PBX4: variants seen among roughly 807,000 people sequenced by gnomAD.
PBX4 encodes pre-B-cell leukemia transcription factor 4.
Under a neutral mutation model 35.1 loss-of-function variants are expected in PBX4, and 26 were observed. The ratio of observed to expected loss-of-function variants is 0.74; its 90% CI spans 0.54 to 1.03. The LOEUF is 1.03. Ranked by LOEUF, PBX4 falls within the 50% of genes least tolerant of loss-of-function variation. The pLI is 0.00. For missense variants in PBX4, 448 were observed against 504.3 expected, an observed-to-expected ratio of 0.89 and a Z score of 1.07; for synonymous variants, 199 against 204.2, an observed-to-expected ratio of 0.97 and a Z score of 0.22.
intron 2 of PBX4, among the ~76,000 whole-genome samples, chr19:19,572,849 C>T (rs1216282831): frequency 1.6e-5 from 2 of 125,628 alleles, no homozygotes; most frequent in African/African-American, 5.8e-5. Context: ...GGCGAGACTC[C>T]GTCTCAAAAA....
intron 1 of PBX4, among the ~76,000 whole-genome samples, chr19:19,602,071 G>T (rs1315480328): frequency 6.6e-6 from 1 of 151,524 alleles, no homozygotes; most frequent in Non-Finnish European, 1.5e-5. Flanking sequence ...GCCAAGAGAA[G>T]AATTTCATGG....
At chr19:19,580,576 G>A (rs1424523897) in intron 2 of PBX4, among the ~76,000 whole-genome samples, 1 of 152,204 alleles carries the variant, frequency 6.6e-6, no homozygotes, top group East Asian at 1.9e-4. Flanking sequence ...TGTAGTCAAA[G>A]AGCCAAAGGT....
intron 1 of PBX4, among the ~76,000 whole-genome samples, chr19:19,600,110 C>G (rs1419611565): frequency 1.3e-5 from 2 of 151,740 alleles, no homozygotes; most frequent in African/African-American, 4.9e-5. Flanking sequence ...CCACTGTACT[C>G]CAGCCCAGGC....
chr19:19,606,515 T>C (rs1212244946), intron 1 of PBX4: 1 of 152,206 alleles, frequency 6.6e-6, no homozygotes, highest in African/African-American at 2.4e-5. Flanking sequence ...GTGCCCAGAA[T>C]CCTGACCCAA....
chr19:19,610,749 T>C (rs1409748537), intron 1 of PBX4, among the ~76,000 whole-genome samples: 1 of 152,100 alleles, frequency 6.6e-6, no homozygotes, highest in Non-Finnish European at 1.5e-5. Flanking sequence ...AGCAAGACTC[T>C]GTGTCAAACA....
chr19:19,583,897 C>T (rs2061472210), intron 2 of PBX4, among the ~76,000 whole-genome samples: 3 of 152,086 alleles, frequency 2.0e-5, no homozygotes, highest in Admixed American at 2.0e-4. Flanking sequence ...TGGAGAAATC[C>T]CATCTCTACT....
intron 2 of PBX4, among the ~76,000 whole-genome samples, chr19:19,591,853 T>G (rs541654510): frequency 9.3e-4 from 141 of 152,280 alleles, no homozygotes; most frequent in African/African-American, 3.3e-3. Flanking sequence ...GTGACAAACC[T>G]TATTTTTTAT....
At chr19:19,593,943 T>A (rs974382842) in intron 2 of PBX4, among the ~76,000 whole-genome samples, 1 of 150,774 alleles carries the variant, frequency 6.6e-6, no homozygotes, top group Non-Finnish European at 1.5e-5. Flanking sequence ...CTGGGCAACA[T>A]ACTAAGACCT....
chr19:19,613,249 T>A (rs925136518), intron 1 of PBX4, among the ~76,000 whole-genome samples: 1 of 151,418 alleles, frequency 6.6e-6, no homozygotes, highest in Non-Finnish European at 1.5e-5. Flanking sequence ...GAGGATCACC[T>A]GAGGTCAGGA....
intron 2 of PBX4, among the ~76,000 whole-genome samples, chr19:19,597,572 C>A (rs1402918213): frequency 6.6e-6 from 1 of 152,158 alleles, no homozygotes; most frequent in Admixed American, 6.6e-5. Context: ...AATCTTGCAC[C>A]AAAACAGTGT....
At chr19:19,564,553 A>C (rs953607184) in intron 6 of PBX4, among the ~76,000 whole-genome samples, 1 of 151,912 alleles carries the variant, frequency 6.6e-6, no homozygotes, top group African/African-American at 2.4e-5. Context: ...CACCCAGCCC[A>C]TGCCGGGCTA....
intron 2 of PBX4, among the ~76,000 whole-genome samples, chr19:19,573,330 TACACACACACACACACACAC>T (rs397838081): frequency 1.5e-5 from 2 of 133,378 alleles, no homozygotes; most frequent in Admixed American, 7.8e-5. Flanking sequence ...AAAAAAAATA[TACACACACACACACACACAC>T]ACACACACAC....
intron 2 of PBX4, among the ~76,000 whole-genome samples, chr19:19,572,408 C>T (rs1013838408): frequency 3.3e-5 from 5 of 151,946 alleles, no homozygotes; most frequent in African/African-American, 1.2e-4. Context: ...AGCTACTTAC[C>T]GAATTAGTGC....
At position 19,562,520 on chromosome 19, in the gene PBX4, A is replaced by C. The variant is rs1458649135; in HGVS notation, c.1033-403T>G. Reference sequence around the variant, plus strand: ...AAGGGGCTCTGAAACCTGGCCCAACACTGGCCTGGCTGGGCAGCAAGGAGG... The same window carrying C: ...AAGGGGCTCTGAAACCTGGCCCAACCCTGGCCTGGCTGGGCAGCAAGGAGG... On this transcript the variant is annotated intron_variant, in intron 7 of 7. Coordinates refer to ENST00000251203, the MANE Select transcript of PBX4 (RefSeq NM_025245.3). The surrounding 1 kb of genome is among the most constrained non-coding windows in gnomAD (Gnocchi z 4.8). Among the ~76,000 whole-genome samples, 2 of 152,138 alleles carry C rather than the reference A, an allele frequency of 1.3e-5. No individual in the cohort carries two copies. The highest frequency in any genetic ancestry group is 4.8e-5 in the African/African-American group (2 of 41,442).
chr19:19,562,776 C>T lies in PBX4; in HGVS notation c.1033-659G>A, dbSNP rs974747501. Among the ~76,000 whole-genome samples, 15 of 152,308 alleles carry T rather than the reference C, an allele frequency of 9.8e-5. No individual in the cohort carries two copies. The highest frequency in any genetic ancestry group is 9.8e-4 in the Admixed American group (15 of 15,304). On this transcript the variant is annotated intron_variant, in intron 7 of 7. Coordinates refer to ENST00000251203, the MANE Select transcript of PBX4 (RefSeq NM_025245.3). This position sits in a 1 kb window ranked among gnomAD's most constrained non-coding sequence, Gnocchi z 4.8. ...CTGAACTGGGGTGGACACACAGCTG[C>T]TGGCGCGTAGTCAGGTCCCAGGGGT...
intron 2 of PBX4, among the ~76,000 whole-genome samples, chr19:19,579,326 G>C (rs2061439204): frequency 6.6e-6 from 1 of 151,396 alleles, no homozygotes; most frequent in Non-Finnish European, 1.5e-5. Flanking sequence ...CCTGGCAACA[G>C]AGTGAGACTC....
chr19:19,586,675 A>G (rs1281822596), intron 2 of PBX4, among the ~76,000 whole-genome samples: 2 of 151,866 alleles, frequency 1.3e-5, no homozygotes, highest in Non-Finnish European at 2.9e-5. Flanking sequence ...GCCGGGCATG[A>G]TGGCTCCTGC....
At chr19:19,615,873 G>A (rs1405996115) in intron 1 of PBX4, among the ~76,000 whole-genome samples, 1 of 152,168 alleles carries the variant, frequency 6.6e-6, no homozygotes, top group East Asian at 1.9e-4. Flanking sequence ...CTGGGCAACA[G>A]AGTGAGAGTC....
In PBX4 at chr19:19,618,610, G is replaced by A. The variant is rs1318425041; in HGVS notation, c.20C>T (p.Pro7Leu). The A allele has an allele frequency of 1.4e-5, 17 of 1,257,816 alleles. No homozygotes were observed. The highest frequency in any genetic ancestry group is 4.3e-5 in the Admixed American group (1 of 23,456). The allele number at this position is 1,257,816 out of a possible 1,614,324, so 77.9% of individuals were successfully genotyped here. A position where few individuals can be genotyped will look rare whatever the true frequency, so the allele number is the denominator to read the frequency against. Residue 7 changes from proline (P) to leucine (L), a missense_variant, in exon 1 of 8, where the codon CCC becomes CTC. Physicochemically the swap from Pro to Leu is moderately conservative, Grantham distance 98 (BLOSUM62 -3). Coordinates refer to ENST00000251203, the MANE Select transcript of PBX4 (RefSeq NM_025245.3). MAAPPRPAPSPPAPRRL... is the reference protein window; with the variant it reads MAAPPRLAPSPPAPRRL... ...CCGCGGGGCGGGGGGCGATGGCGCGGGGCGCGGCGGGGCGGCCATGAGCGG... is the reference window on the plus strand; with the variant it reads ...CCGCGGGGCGGGGGGCGATGGCGCGAGGCGCGGCGGGGCGGCCATGAGCGG...
Sources: allele counts gnomAD v4.1 joint callset (sites outside exome capture counted in the v4.1 genomes callset), GRCh38; gene constraint gnomAD v4.1.1; non-coding constraint Gnocchi (gnomAD v3.1); transcripts MANE v1.5; gene names NCBI Gene and HGNC (gene_info 2026-07-23, HGNC 2026-07-21).